Variants in LINGO2 observed in about 807,000 individuals in gnomAD.
LINGO2 encodes the protein leucine rich repeat and Ig domain containing 2.
A neutral mutation model predicts 30.6 loss-of-function variants in LINGO2; 14 were observed. The observed-to-expected ratio is 0.46, with a 90% CI of 0.30 to 0.72. LINGO2 has a LOEUF of 0.72. Among genes scored for constraint, LINGO2 ranks in the 30% least tolerant of loss-of-function variants. LINGO2 has a pLI of 0.07. For missense variants in LINGO2, 729 were observed against 751.7 expected (o/e 0.97, Z 0.35); for synonymous variants, 317 against 288.5 (o/e 1.10, Z -1.00).
At chr9:28,069,225 C>T (rs1009734516) in intron 4 of LINGO2, among the ~76,000 whole-genome samples, 35 of 151,982 alleles carry the variant, frequency 2.3e-4, no homozygotes, top group African/African-American at 7.5e-4. Flanking sequence ...ATTAAGGGTT[C>T]GATAGGCTGT....
the LINGO2 span, among the ~76,000 whole-genome samples, chr9:29,093,084 CAG>C: frequency 5.6e-4 from 63 of 111,970 alleles, 4 homozygotes; most frequent in Middle Eastern, 4.9e-3. Context: ...GAGAGAGGGA[CAG>C]AGAGAGAGAG....
At chr9:29,063,059 G>A in the LINGO2 span, among the ~76,000 whole-genome samples, 1 of 152,066 alleles carries the variant, frequency 6.6e-6, no homozygotes, top group Non-Finnish European at 1.5e-5. Context: ...AAAGAACAAC[G>A]TATCTATGAG....
chr9:28,702,232 T>C, the LINGO2 span, among the ~76,000 whole-genome samples: 1 of 151,914 alleles, frequency 6.6e-6, no homozygotes, highest in South Asian at 2.1e-4. Context: ...AGTTTCTCAC[T>C]ATTAAATATG....
intron 1 of LINGO2, among the ~76,000 whole-genome samples, chr9:28,633,846 A>G (rs1263657767): frequency 6.6e-6 from 1 of 152,198 alleles, no homozygotes; most frequent in Non-Finnish European, 1.5e-5. Context: ...TAGTCAATGA[A>G]TATTTCTTGA....
At chr9:28,507,600 G>A (rs913832059) in intron 1 of LINGO2, among the ~76,000 whole-genome samples, 1 of 152,040 alleles carries the variant, frequency 6.6e-6, no homozygotes, top group African/African-American at 2.4e-5. Flanking sequence ...AAAGAAAAAG[G>A]ACTATATATA....
chr9:29,010,652 T>C, the LINGO2 span, among the ~76,000 whole-genome samples: 1 of 152,186 alleles, frequency 6.6e-6, no homozygotes, highest in Non-Finnish European at 1.5e-5. Flanking sequence ...TGCGTACTTA[T>C]TTTAGAATCT....
intron 4 of LINGO2, among the ~76,000 whole-genome samples, chr9:28,185,657 A>C (rs1470168614): frequency 6.6e-6 from 1 of 152,190 alleles, no homozygotes; most frequent in Non-Finnish European, 1.5e-5. Flanking sequence ...GCAAAAATAT[A>C]GTTCTTAGCT....
chr9:28,348,648 C>T (rs1489999232), intron 3 of LINGO2, among the ~76,000 whole-genome samples: 1 of 152,134 alleles, frequency 6.6e-6, no homozygotes, highest in African/African-American at 2.4e-5. Context: ...GAGCCCACCA[C>T]AGCTCAAGGA....
intron 4 of LINGO2, among the ~76,000 whole-genome samples, chr9:28,261,159 A>G (rs1392297624): frequency 6.6e-6 from 1 of 151,984 alleles, no homozygotes. Flanking sequence ...AATCCCTATA[A>G]CATGGTAATT....
At chr9:28,205,553 A>G (rs1056493605) in intron 4 of LINGO2, among the ~76,000 whole-genome samples, 2 of 152,200 alleles carry the variant, frequency 1.3e-5, no homozygotes, top group African/African-American at 4.8e-5. Context: ...GTGGGGAGAC[A>G]ACAGCCTTGT....
chr9:28,362,496 G>A (rs1820490028), intron 3 of LINGO2, among the ~76,000 whole-genome samples: 1 of 150,808 alleles, frequency 6.6e-6, no homozygotes, highest in South Asian at 2.1e-4. Context: ...TTGAGACTGA[G>A]TTTCACTCTT....
At chr9:28,046,779 T>TA (rs1297025073) in intron 4 of LINGO2, among the ~76,000 whole-genome samples, 1 of 152,180 alleles carries the variant, frequency 6.6e-6, no homozygotes, top group Admixed American at 6.5e-5. Context: ...AACTCTGTTA[T>TA]ATAAGCTACT....
the LINGO2 span, among the ~76,000 whole-genome samples, chr9:29,110,307 T>C: frequency 6.6e-6 from 1 of 152,182 alleles, no homozygotes; most frequent in African/African-American, 2.4e-5. Flanking sequence ...TTTCCTCAGA[T>C]GTCTGTACAG....
the LINGO2 span, among the ~76,000 whole-genome samples, chr9:29,076,881 T>C: frequency 2.6e-5 from 4 of 151,958 alleles, no homozygotes; most frequent in Non-Finnish European, 5.9e-5. Flanking sequence ...AGTTAGCAAG[T>C]GCTATATAAA....
At chr9:29,033,526 A>C in the LINGO2 span, among the ~76,000 whole-genome samples, 3 of 151,788 alleles carry the variant, frequency 2.0e-5, no homozygotes, top group East Asian at 5.8e-4. Flanking sequence ...AATCCATAGA[A>C]GTGTTGCCAA....
At chr9:28,430,252 G>A (rs923586701) in intron 2 of LINGO2, among the ~76,000 whole-genome samples, 57 of 152,118 alleles carry the variant, frequency 3.7e-4, no homozygotes, top group African/African-American at 1.3e-3. Flanking sequence ...GAGGGTCCTG[G>A]TCAAAGTGCC....
At chr9:29,003,798 G>A in the LINGO2 span, among the ~76,000 whole-genome samples, 2 of 151,978 alleles carry the variant, frequency 1.3e-5, no homozygotes, top group Non-Finnish European at 2.9e-5. Context: ...TACTGCATAA[G>A]TCAATGCCAG....
the LINGO2 span, among the ~76,000 whole-genome samples, chr9:28,811,195 C>G: frequency 6.6e-6 from 1 of 152,022 alleles, no homozygotes; most frequent in Non-Finnish European, 1.5e-5. Flanking sequence ...TCTTCTCTTT[C>G]TCCCATCTCG....
intron 4 of LINGO2, among the ~76,000 whole-genome samples, chr9:28,133,018 C>T (rs1287349725): frequency 6.6e-6 from 1 of 152,006 alleles, no homozygotes; most frequent in African/African-American, 2.4e-5. Flanking sequence ...ACATAAATAC[C>T]CTAAGAATAA....
Sources: allele counts gnomAD v4.1 joint callset (sites outside exome capture counted in the v4.1 genomes callset), GRCh38; gene constraint gnomAD v4.1.1; transcripts MANE v1.5; gene names NCBI Gene and HGNC (gene_info 2026-07-23, HGNC 2026-07-21).